DOK5: variants seen among roughly 807,000 people sequenced by gnomAD.
DOK5 encodes the protein downstream of tyrosine kinase 5.
In DOK5, 27 loss-of-function variants were observed where a neutral mutation model predicts 43.3. That is an observed-to-expected ratio of 0.62 (90% CI 0.46 to 0.86). The LOEUF (loss-of-function observed/expected upper bound fraction) is 0.86. DOK5 is among the 40% of genes least tolerant of loss of function. The probability of loss-of-function intolerance (pLI) is 0.00; values close to 1 mark genes in which losing one functional copy is unlikely to be tolerated. For missense variants in DOK5, 373 were observed against 392.9 expected (o/e 0.95, Z 0.43); for synonymous variants, 146 against 140.1 (o/e 1.04, Z -0.30).
intron 2 of DOK5, among the ~76,000 whole-genome samples, chr20:54,573,849 T>TTTGG (rs1985372478): frequency 1.3e-5 from 2 of 152,100 alleles, no homozygotes; most frequent in African/African-American, 2.4e-5. Context: ...GCCCACTAGA[T>TTTGG]AAGCAGAACT....
intron 1 of DOK5, among the ~76,000 whole-genome samples, chr20:54,517,327 A>G (rs978947363): frequency 1.3e-5 from 2 of 152,194 alleles, no homozygotes; most frequent in East Asian, 1.9e-4. Flanking sequence ...GAAGTTTTAT[A>G]ACAAGCTTAA....
chr20:54,491,967 A>G (rs1982194372), intron 1 of DOK5, among the ~76,000 whole-genome samples: 1 of 152,120 alleles, frequency 6.6e-6, no homozygotes, highest in African/African-American at 2.4e-5. Flanking sequence ...AAAGAAAGAG[A>G]AAAAGAAAGA....
At chr20:54,587,593 A>G (rs1249663240) in intron 2 of DOK5, among the ~76,000 whole-genome samples, 1 of 152,190 alleles carries the variant, frequency 6.6e-6, no homozygotes, top group African/African-American at 2.4e-5. Flanking sequence ...GGCATGACCC[A>G]AATATTCCAA....
intron 3 of DOK5, 36 bp from the exon 4 acceptor site, chr20:54,588,651 T>C: frequency 6.2e-7 from 1 of 1,614,112 alleles, no homozygotes; most frequent in Non-Finnish European, 8.5e-7. Flanking sequence ...GAATGGATGC[T>C]GGGCACACAG....
intron 5 of DOK5, among the ~76,000 whole-genome samples, chr20:54,601,163 C>T (rs1986287425): frequency 6.6e-6 from 1 of 152,240 alleles, no homozygotes; most frequent in Non-Finnish European, 1.5e-5. Context: ...AGAGTGAGCA[C>T]TGGGGCTGAG....
chr20:54,523,539 C>T lies in DOK5; in HGVS notation c.67-31394C>T, dbSNP rs546977758. Among the ~76,000 whole-genome samples the T allele has an allele frequency of 2.3e-4, 35 of 152,298 alleles. No individual in the cohort carries two copies. In the South Asian group the frequency reaches 7.0e-3, roughly 31 times the overall value. ...CAAGATCATGCCACTGCACTCAAGC[C>T]TGTGTGACAGTGAGACTCTGTCTCA... On this transcript the variant is annotated intron_variant, in intron 1 of 7. Coordinates refer to ENST00000262593, the MANE Select transcript of DOK5 (RefSeq NM_018431.5).
chr20:54,632,281 G>C (rs1183637941), intron 6 of DOK5, among the ~76,000 whole-genome samples: 2 of 152,168 alleles, frequency 1.3e-5, no homozygotes, highest in Non-Finnish European at 2.9e-5. Context: ...TTATTTGGTG[G>C]TTTTATGTAT....
intron 1 of DOK5, among the ~76,000 whole-genome samples, chr20:54,544,294 T>C (rs569639200): frequency 3.3e-5 from 5 of 152,314 alleles, no homozygotes; most frequent in African/African-American, 1.2e-4. Flanking sequence ...AGATTTTTTT[T>C]CCTTCATAAA....
At chr20:54,612,357 G>C (rs1386460100) in intron 6 of DOK5, among the ~76,000 whole-genome samples, 1 of 152,174 alleles carries the variant, frequency 6.6e-6, no homozygotes, top group Non-Finnish European at 1.5e-5. Flanking sequence ...GCATGCTGAG[G>C]AGGCCTGGAA....
Position 54,588,468 on chromosome 20 carries a change from A to G in DOK5, c.175-15A>G. The G allele has an allele frequency of 6.2e-7, 1 of 1,610,198 alleles. No homozygotes were observed. Among genetic ancestry groups the G allele is most frequent in the Non-Finnish European group, 8.5e-7 (1 of 1,176,386 alleles). ...ATTCAGGGAGTGTGTCAAACTTCTA[A>G]TTGTTCATTTTCAGGTTACAGAACT... is the stretch of plus-strand genomic sequence containing the variant. On this transcript the variant is annotated splice_polypyrimidine_tract_variant and intron_variant, in intron 2 of 7. Coordinates refer to ENST00000262593, the MANE Select transcript of DOK5 (RefSeq NM_018431.5).
At chr20:54,617,571 T>A (rs1342241802) in intron 6 of DOK5, among the ~76,000 whole-genome samples, 1 of 152,082 alleles carries the variant, frequency 6.6e-6, no homozygotes, top group Non-Finnish European at 1.5e-5. Flanking sequence ...GCAAACCTTT[T>A]TCCTCCGCCT....
rs113501218 is a variant in DOK5 at position 54,498,792 on chromosome 20, C to T, written c.66+22780C>T. Among the ~76,000 whole-genome samples the T allele has an allele frequency of 4.0e-3, 611 of 152,220 alleles. 4 individuals carry two copies. The highest frequency in any genetic ancestry group is 0.014 in the African/African-American group (580 of 41,526). Reference sequence around the variant, plus strand: ...TTTTATTCACAAGCTAGTATTTTTGCAGATTTTCACTCTTTAGCCAAAAAA... The same window carrying T: ...TTTTATTCACAAGCTAGTATTTTTGTAGATTTTCACTCTTTAGCCAAAAAA... On this transcript the variant is annotated intron_variant, in intron 1 of 7. Transcript: ENST00000262593.
intron 1 of DOK5, among the ~76,000 whole-genome samples, chr20:54,502,525 C>T (rs1982648812): frequency 6.6e-6 from 1 of 152,050 alleles, no homozygotes; most frequent in African/African-American, 2.4e-5. Flanking sequence ...ACCCGTCTAC[C>T]CAGAGCCACC....
At chr20:54,513,366 A>G (rs192105690) in intron 1 of DOK5, among the ~76,000 whole-genome samples, 5 of 147,370 alleles carry the variant, frequency 3.4e-5, no homozygotes, top group Non-Finnish European at 5.9e-5. Context: ...AGTTTTTCCA[A>G]TTTTTAAAAA....
At chr20:54,557,743 T>C (rs1984760971) in intron 2 of DOK5, among the ~76,000 whole-genome samples, 1 of 152,180 alleles carries the variant, frequency 6.6e-6, no homozygotes, top group Non-Finnish European at 1.5e-5. Flanking sequence ...CTTTGTTCAG[T>C]GCGTTGCTCA....
At chr20:54,507,151 T>C (rs1982840376) in intron 1 of DOK5, among the ~76,000 whole-genome samples, 1 of 152,216 alleles carries the variant, frequency 6.6e-6, no homozygotes. Context: ...TGGAAAGTAC[T>C]TGGGATACAG....
intron 5 of DOK5, among the ~76,000 whole-genome samples, chr20:54,593,621 A>G (rs6014074): frequency 0.19 from 28,528 of 152,154 alleles, 5,252 homozygotes; most frequent in African/African-American, 0.48. Flanking sequence ...GAGCCCAGGA[A>G]TTTGAGAGCA....
intron 1 of DOK5, among the ~76,000 whole-genome samples, chr20:54,538,011 G>T (rs1984016408): frequency 6.6e-6 from 1 of 151,460 alleles, no homozygotes; most frequent in Non-Finnish European, 1.5e-5. Context: ...GCTAATTTTT[G>T]TATTTTTAGT....
chr20:54,532,786 C>A (rs997747680), intron 1 of DOK5, among the ~76,000 whole-genome samples: 1 of 152,160 alleles, frequency 6.6e-6, no homozygotes, highest in South Asian at 2.1e-4. Context: ...GGCTCAGAGA[C>A]CTGCGATCTG....
Sources: gnomAD v4.1 joint callset for allele counts (sites outside exome capture counted in the v4.1 genomes callset) on GRCh38, gnomAD v4.1.1 for gene constraint, MANE v1.5 for transcripts, NCBI Gene and HGNC (gene_info 2026-07-23, HGNC 2026-07-21) for gene names.